The following MIA3 variants were observed in gnomAD, a reference collection of about 807,000 sequenced individuals.
MIA3 encodes transport and Golgi organization protein 1 homolog.
In MIA3, 90 loss-of-function variants were observed where a neutral mutation model predicts 192.4. The observed-to-expected ratio is 0.47, with a 90% CI of 0.39 to 0.56. The LOEUF is 0.56. Among genes scored for constraint, MIA3 ranks in the 20% least tolerant of loss-of-function variants. The probability of loss-of-function intolerance (pLI) is 0.00; values close to 1 mark genes in which losing one functional copy is unlikely to be tolerated. For missense variants in MIA3, 2,123 were observed against 2,269.4 expected, an observed-to-expected ratio of 0.94 and a Z score of 1.31; for synonymous variants, 740 against 792.8, an observed-to-expected ratio of 0.93 and a Z score of 1.12.
intron 18 of MIA3, among the ~76,000 whole-genome samples, chr1:222,655,094 G>T (rs997680690): frequency 6.6e-6 from 1 of 152,168 alleles, no homozygotes. Context: ...CTGTGGCTCC[G>T]CCACTTGTTT....
Position 222,662,058 on chromosome 1 carries a change from T to A in MIA3, c.5116T>A (p.Ser1706Thr), listed in dbSNP as rs776875574. Residue 1706 changes from serine to threonine, a missense_variant and splice_region_variant, in exon 25 of 28, where the codon TCA becomes ACA. Transcript: ENST00000344922. ...GACTCTGTTATTTCTTTCTCAAGGA[T>A]CAGTGGACGGGCCTCTACCTCATCC... ...RRDMPRSEFG[S>T]VDGPLPHPRW... The A allele has an allele frequency of 6.2e-7, 1 of 1,613,220 alleles. No homozygotes were observed. The highest frequency in any genetic ancestry group is 8.5e-7 in the Non-Finnish European group (1 of 1,179,416).
At position 222,629,015 on chromosome 1, in the gene MIA3, G is replaced by A. The variant is rs74145517; in HGVS notation, c.1795G>A (p.Ala599Thr). Residue 599 changes from alanine to threonine, a missense_variant, in exon 4 of 28, where the codon GCT becomes ACT. Coordinates refer to ENST00000344922, the MANE Select transcript of MIA3 (RefSeq NM_198551.4). ...NASRDSVEGDALVNGAKLHTL... is the reference protein window; with the variant it reads ...NASRDSVEGDTLVNGAKLHTL... The stretch of plus-strand genomic sequence containing the variant: ...ATCCAGAGACAGTGTGGAGGGAGAC[G>A]CTTTGGTAAATGGGGCCAAACTGCA... The A allele has an allele frequency of 2.4e-3, 3,811 of 1,614,170 alleles. 71 individuals are homozygous for A. The African/African-American group carries it at 0.043, about 18-fold the overall frequency.
chr1:222,638,675 T>A (rs923450497), intron 6 of MIA3, among the ~76,000 whole-genome samples: 27 of 151,494 alleles, frequency 1.8e-4, no homozygotes, highest in African/African-American at 6.1e-4. Context: ...CCAGCCTGGG[T>A]GACAGAATGA....
intron 25 of MIA3, 56 bp downstream of exon 25, chr1:222,662,180 A>ATT: frequency 1.4e-6 from 2 of 1,477,496 alleles, no homozygotes; most frequent in Non-Finnish European, 1.9e-6. Context: ...TGGGGAGAGG[A>ATT]TTTTTTTTTT....
At position 222,629,838 on chromosome 1, in the gene MIA3, G is replaced by A; in HGVS notation, c.2618G>A (p.Gly873Glu). The A allele has an allele frequency of 6.2e-7, 1 of 1,613,772 alleles. No homozygotes were observed. Among genetic ancestry groups the A allele is most frequent in the Non-Finnish European group, 8.5e-7 (1 of 1,179,938 alleles). Residue 873 changes from glycine (G) to glutamate (E), a missense_variant, in exon 4 of 28, where the codon GGA (glycine) becomes GAA (glutamate). Gly to Glu is a moderately conservative substitution (Grantham distance 98). Coordinates refer to ENST00000344922, the MANE Select transcript of MIA3 (RefSeq NM_198551.4). ...KTSGLAGEPE[G>E]ELSKEDHENT... ...TCAGGGCTTGCAGGGGAGCCTGAGGGAGAACTCTCAAAAGAGGACCATGAG... is the reference window on the plus strand; with the variant it reads ...TCAGGGCTTGCAGGGGAGCCTGAGGAAGAACTCTCAAAAGAGGACCATGAG...
intron 7 of MIA3, among the ~76,000 whole-genome samples, chr1:222,647,073 T>C (rs1352305406): frequency 3.9e-5 from 6 of 152,170 alleles, no homozygotes; most frequent in Non-Finnish European, 7.4e-5. Context: ...AAGTTTTCAG[T>C]TTTTAAAAAA....
At chr1:222,626,519 G>C (rs1166429328) in intron 3 of MIA3, among the ~76,000 whole-genome samples, 1 of 152,108 alleles carries the variant, frequency 6.6e-6, no homozygotes, top group African/African-American at 2.4e-5. Flanking sequence ...TATCTTTGTT[G>C]GTTTTTTAAC....
intron 24 of MIA3, 36 bp from the exon 25 acceptor site, chr1:222,662,020 A>G: frequency 6.4e-7 from 1 of 1,556,096 alleles, no homozygotes; most frequent in African/African-American, 1.4e-5. Flanking sequence ...TTCTTCCAAA[A>G]AATACATATA....
In MIA3 at chr1:222,645,568, G is replaced by T; in HGVS notation, c.3492G>T (p.Leu1164Phe). Residue 1164 changes from leucine to phenylalanine, a missense_variant, in exon 7 of 28, where the codon TTG becomes TTT. Transcript: ENST00000344922. ...FYLTKSLVATLPDDVQPGPDF... is the reference protein window; with the variant it reads ...FYLTKSLVATFPDDVQPGPDF... Reference sequence around the variant, plus strand: ...CTAACATTCAGCTAGTTGCTACATTGCCTGATGATGTTCAGCCTGGGCCTG... The same window carrying T: ...CTAACATTCAGCTAGTTGCTACATTTCCTGATGATGTTCAGCCTGGGCCTG... 6.2e-7 allele frequency: 1 copy of T among 1,611,106 alleles called. No individual in the cohort carries two copies.
Position 222,653,013 on chromosome 1 carries a change from G to T in MIA3, c.4092G>T (p.Gln1364His). 1 of 1,610,184 alleles carries T rather than the reference G, an allele frequency of 6.2e-7. No individual in the cohort carries two copies. The highest frequency in any genetic ancestry group is 8.5e-7 in the Non-Finnish European group (1 of 1,177,090). ...ARLKKKKEQL[Q>H]QEIEDWSKLH... ...CATGTGTTTTAACTTTGCAGTTGCA[G>T]CAGGAAATCGAAGACTGGAGTAAAT... Residue 1364 changes from glutamine (Q) to histidine (H), a missense_variant, in exon 14 of 28, where the codon CAG becomes CAT. By Grantham distance (24) the Gln-to-His change is conservative. Coordinates refer to ENST00000344922, the MANE Select transcript of MIA3 (RefSeq NM_198551.4).
intron 2 of MIA3, among the ~76,000 whole-genome samples, chr1:222,622,790 T>A (rs1661933490): frequency 6.6e-6 from 1 of 152,212 alleles, no homozygotes; most frequent in African/African-American, 2.4e-5. Context: ...GACTTAACAT[T>A]TTCCTCCCAC....
rs1306198447 is a variant in MIA3, at chr1:222,628,782, A to T, written c.1562A>T (p.Tyr521Phe). 1.9e-6 allele frequency: 3 copies of T among 1,614,160 alleles called. No homozygotes were observed. The South Asian group carries it at 3.3e-5, about 18-fold the overall frequency. Residue 521 changes from tyrosine to phenylalanine, a missense_variant, in exon 4 of 28, where the codon TAT (tyrosine) becomes TTT (phenylalanine). Tyr to Phe is a conservative substitution (Grantham distance 22). Around this residue, in one of 3 missense-constraint regions of MIA3, gnomAD observed 1,357 missense variants for 1,396.1 expected, o/e 0.97. Coordinates refer to ENST00000344922, the MANE Select transcript of MIA3 (RefSeq NM_198551.4). Reference protein sequence around the residue: ...EKGKDTLKSAYDDTENDLKGA... With the variant: ...EKGKDTLKSAFDDTENDLKGA... ...GGTAAAGACACATTAAAATCAGCTT[A>T]TGATGATACAGAAAATGACCTAAAA...
In MIA3 at chr1:222,618,263, G is replaced by A. The variant is rs912997177; in HGVS notation, c.133+20G>A. 12 of 1,383,976 alleles carry A rather than the reference G, an allele frequency of 8.7e-6. No individual in the cohort carries two copies. The highest frequency in any genetic ancestry group is 7.5e-5 in the African/African-American group (5 of 66,736). 85.7% of individuals were successfully genotyped at this position (1,383,976 alleles called of 1,614,324 possible). A position where few individuals can be genotyped will look rare whatever the true frequency, so the allele number is the denominator to read the frequency against. ...GCAGCAGTGAGTGCGCTGGAGGGGC[G>A]GCTGGCCTCGGGGCGGCTGGCCTTG... On this transcript the variant is annotated intron_variant, in intron 1 of 27. Coordinates refer to ENST00000344922, the MANE Select transcript of MIA3 (RefSeq NM_198551.4).
chr1:222,645,436 A>G (rs1663093696), intron 6 of MIA3, 118 bp from the exon 7 acceptor site: 1 of 821,376 alleles, frequency 1.2e-6, no homozygotes, highest in Non-Finnish European at 1.9e-6. Flanking sequence ...AAGATTTTTG[A>G]GGGGATAGGT....
chr1:222,641,086 G>A (rs1380526890), intron 6 of MIA3, among the ~76,000 whole-genome samples: 2 of 152,214 alleles, frequency 1.3e-5, no homozygotes, highest in African/African-American at 2.4e-5. Context: ...AAGATGTGGA[G>A]GAAATGGAAG....
intron 27 of MIA3, among the ~76,000 whole-genome samples, chr1:222,664,364 AAG>A (rs1172511400): frequency 6.6e-6 from 1 of 152,252 alleles, no homozygotes; most frequent in Non-Finnish European, 1.5e-5. Context: ...AGAACAAGGA[AAG>A]GGGCTATTTA....
intron 2 of MIA3, among the ~76,000 whole-genome samples, chr1:222,621,513 C>T (rs1012052768): frequency 3.9e-5 from 6 of 152,160 alleles, no homozygotes; most frequent in African/African-American, 1.4e-4. Flanking sequence ...CTGGCAAGTT[C>T]CCCTCAGGGT....
rs774797312 is a variant in MIA3, at chr1:222,664,073, C to T, written c.5338C>T (p.Pro1780Ser). The T allele has an allele frequency of 6.2e-7, 1 of 1,614,024 alleles. No homozygotes were observed. Among genetic ancestry groups the T allele is most frequent in the South Asian group, 1.1e-5 (1 of 91,082 alleles). Residue 1780 changes from proline (P) to serine (S), a missense_variant, in exon 27 of 28, where the codon CCA becomes TCA. Around this residue, in one of 3 missense-constraint regions of MIA3, gnomAD observed 762 missense variants for 856.4 expected, o/e 0.89. Coordinates refer to ENST00000344922, the MANE Select transcript of MIA3 (RefSeq NM_198551.4). ...GAGCACCCCCATGGGAGGCCCTGTA[C>T]CACCACCCATTCGATATGGACCACC... ...LMSTPMGGPVPPPIRYGPPPQ... is the reference protein window; with the variant it reads ...LMSTPMGGPVSPPIRYGPPPQ...
In MIA3 at chr1:222,658,690, A is replaced by G. The variant is rs367795428; in HGVS notation, c.4608-32A>G. Reference sequence around the variant, plus strand: ...GACAGAATGCCAGGAGGAAAAGAGAAACACTTTCATTGACAACCAGTTTTA... The same window carrying G: ...GACAGAATGCCAGGAGGAAAAGAGAGACACTTTCATTGACAACCAGTTTTA... On this transcript the variant is annotated intron_variant, in intron 18 of 27. Coordinates refer to ENST00000344922, the MANE Select transcript of MIA3 (RefSeq NM_198551.4). The G allele has an allele frequency of 6.0e-6, 9 of 1,508,896 alleles. No individual in the cohort carries two copies. The South Asian group carries it at 1.1e-4, about 18-fold the overall frequency. The allele number at this position is 1,508,896 out of a possible 1,614,324, so 93.5% of individuals were successfully genotyped here. A position where few individuals can be genotyped will look rare whatever the true frequency, so the allele number is the denominator to read the frequency against.
Sources: allele counts gnomAD v4.1 joint callset (sites outside exome capture counted in the v4.1 genomes callset), GRCh38; gene constraint gnomAD v4.1.1; regional missense constraint gnomAD v4.1.1; transcripts MANE v1.5; gene names NCBI Gene and HGNC (gene_info 2026-07-23, HGNC 2026-07-21).